NEK10: variants seen among roughly 807,000 people sequenced by gnomAD.
The protein encoded by NEK10 is NIMA related kinase 10.
A neutral mutation model predicts 159.8 loss-of-function variants in NEK10; 122 were observed. The observed-to-expected ratio is 0.76, with a 90% CI of 0.66 to 0.89. NEK10 has a LOEUF of 0.89. NEK10 is among the 40% of genes least tolerant of loss of function. The pLI is 0.00. For synonymous variants in NEK10, 466 were observed against 457.1 expected, an observed-to-expected ratio of 1.02 and a Z score of -0.25; for missense variants, 1,342 against 1,323.1, an observed-to-expected ratio of 1.01 and a Z score of -0.22.
chr3:27,155,318 A>G (rs1945290514), intron 30 of NEK10, among the ~76,000 whole-genome samples: 1 of 152,058 alleles, frequency 6.6e-6, no homozygotes, highest in Non-Finnish European at 1.5e-5. Flanking sequence ...CCTGGCCAAC[A>G]TGGTGAAACC....
At chr3:27,279,977 G>A (rs1274950487) in intron 22 of NEK10, among the ~76,000 whole-genome samples, 3 of 151,826 alleles carry the variant, frequency 2.0e-5, no homozygotes, top group African/African-American at 7.3e-5. Context: ...AGACCATCCT[G>A]GCCAACATGG....
intron 9 of NEK10, chr3:27,310,314 T>C (rs1433012009): frequency 6.6e-6 from 1 of 152,234 alleles, no homozygotes; most frequent in Admixed American, 6.5e-5. Flanking sequence ...ACCTGTGAAA[T>C]AGCTGGCTAC....
At chr3:27,297,336 G>T (rs1313063433) in intron 13 of NEK10, 96 bp from the exon 14 acceptor site, 1 of 819,092 alleles carries the variant, frequency 1.2e-6, no homozygotes, top group Admixed American at 2.3e-5. Flanking sequence ...TTATTATTTT[G>T]CTATTTTTAT....
chr3:27,176,479 C>T (rs1042482963), intron 26 of NEK10, among the ~76,000 whole-genome samples: 4 of 152,142 alleles, frequency 2.6e-5, no homozygotes, highest in South Asian at 2.1e-4. Flanking sequence ...AGGCTAGTAT[C>T]GGGCTTCTAA....
intron 1 of NEK10, among the ~76,000 whole-genome samples, chr3:27,368,779 G>A (rs1394073116): frequency 6.6e-6 from 1 of 152,088 alleles, no homozygotes; most frequent in Non-Finnish European, 1.5e-5. Flanking sequence ...TGCCTGAGGC[G>A]AGGAAGTGGA....
intron 30 of NEK10, chr3:27,162,152 C>A: frequency 9.9e-6 from 3 of 302,112 alleles, no homozygotes; most frequent in South Asian, 6.9e-5. Context: ...CTATGTAAAA[C>A]ATGGTTACTA....
At chr3:27,228,685 C>A (rs1176687611) in intron 23 of NEK10, among the ~76,000 whole-genome samples, 2 of 152,078 alleles carry the variant, frequency 1.3e-5, no homozygotes, top group East Asian at 3.9e-4. Flanking sequence ...TGATTGTAGC[C>A]CCACAGGAGG....
At chr3:27,123,085 A>G (rs1941523390) in intron 32 of NEK10, among the ~76,000 whole-genome samples, 1 of 152,190 alleles carries the variant, frequency 6.6e-6, no homozygotes, top group African/African-American at 2.4e-5. Flanking sequence ...TGTTTTAGCA[A>G]ACTATTTTTT....
chr3:27,215,846 C>T (rs1951466826), intron 23 of NEK10: 1 of 717,284 alleles, frequency 1.4e-6, no homozygotes, highest in Non-Finnish European at 2.6e-6. Context: ...GTGGCCAGAG[C>T]AGGAGCAGGA....
intron 30 of NEK10, among the ~76,000 whole-genome samples, chr3:27,152,636 G>T (rs1944995429): frequency 6.6e-6 from 1 of 151,676 alleles, no homozygotes; most frequent in Admixed American, 6.6e-5. Context: ...GAAACAAATA[G>T]CACAATGAAT....
intron 12 of NEK10, among the ~76,000 whole-genome samples, chr3:27,302,395 A>AT (rs1231118523): frequency 6.2e-4 from 91 of 147,248 alleles, no homozygotes; most frequent in African/African-American, 2.2e-3. Context: ...TACTATTTCC[A>AT]TTTTTTTCTG....
chr3:27,156,537 G>A (rs759056124), intron 30 of NEK10, among the ~76,000 whole-genome samples: 2 of 151,746 alleles, frequency 1.3e-5, no homozygotes, highest in Non-Finnish European at 1.5e-5. Flanking sequence ...AATGACCAAC[G>A]AACATACGAA....
intron 5 of NEK10, among the ~76,000 whole-genome samples, chr3:27,338,996 G>C (rs1306128623): frequency 6.6e-6 from 1 of 152,148 alleles, no homozygotes; most frequent in Non-Finnish European, 1.5e-5. Context: ...TCAAGAGAGT[G>C]AAGAGACAAC....
At chr3:27,113,994 C>T (rs909184326) in intron 35 of NEK10, among the ~76,000 whole-genome samples, 21 of 152,100 alleles carry the variant, frequency 1.4e-4, no homozygotes, top group Non-Finnish European at 2.1e-4. Flanking sequence ...AATAATGAGG[C>T]TCACAGTTAA....
chr3:27,328,805 C>G (rs1177030181), intron 5 of NEK10, among the ~76,000 whole-genome samples: 1 of 152,096 alleles, frequency 6.6e-6, no homozygotes, highest in African/African-American at 2.4e-5. Context: ...TGCAATAGTC[C>G]AAGCAAGAGA....
chr3:27,273,688 A>G (rs553871141), intron 22 of NEK10, among the ~76,000 whole-genome samples: 1 of 152,326 alleles, frequency 6.6e-6, no homozygotes, highest in South Asian at 2.1e-4. Flanking sequence ...TGAAACCTCT[A>G]TAATACTAGG....
chr3:27,261,415 A>G (rs1238498339), intron 22 of NEK10, among the ~76,000 whole-genome samples: 1 of 152,256 alleles, frequency 6.6e-6, no homozygotes, highest in East Asian at 1.9e-4. Context: ...AGATTCTGGT[A>G]TGTTGTGTCT....
intron 22 of NEK10, among the ~76,000 whole-genome samples, chr3:27,264,604 T>G (rs1254685232): frequency 6.6e-6 from 1 of 152,012 alleles, no homozygotes; most frequent in Non-Finnish European, 1.5e-5. Flanking sequence ...CAAATAAAAA[T>G]TAATTGGCCA....
chr3:27,309,144 G>T (rs1445390734), intron 9 of NEK10, 139 bp from the exon 10 acceptor site: 485 of 370,314 alleles, frequency 1.3e-3, no homozygotes, highest in Middle Eastern at 4.1e-3. Context: ...AGGCTTAACT[G>T]TTTTTTTTTT....
Sources: gnomAD v4.1 joint callset for allele counts (sites outside exome capture counted in the v4.1 genomes callset) on GRCh38, gnomAD v4.1.1 for gene constraint, MANE v1.5 for transcripts, NCBI Gene and HGNC (gene_info 2026-07-23, HGNC 2026-07-21) for gene names.